CPSF2: variants seen among roughly 807,000 people sequenced by gnomAD.
CPSF2 encodes the protein cleavage and polyadenylation specificity factor subunit 2.
A neutral mutation model predicts 84.2 loss-of-function variants in CPSF2; 51 were observed. The observed-to-expected ratio is 0.61, with a 90% CI of 0.48 to 0.77. CPSF2 has a LOEUF of 0.77. CPSF2 is among the 30% of genes least tolerant of loss of function. The pLI, the probability that CPSF2 is intolerant of heterozygous loss-of-function variation, is 0.00. For synonymous variants in CPSF2, 286 were observed against 311.9 expected (o/e 0.92, Z 0.87); for missense variants, 641 against 929.4 (o/e 0.69, Z 4.03).
Position 92,143,039 on chromosome 14 carries a change from T to G in CPSF2, c.885T>G (p.Phe295Leu). 1.9e-6 allele frequency: 3 copies of G among 1,613,784 alleles called. No individual in the cohort carries two copies. Among genetic ancestry groups the G allele is most frequent in the Non-Finnish European group, 2.5e-6 (3 of 1,179,736 alleles). The change falls in exon 9 of 16, where the codon TTT becomes TTG. Residue 295 changes from phenylalanine to leucine, a missense_variant. This residue lies in a region of CPSF2 where 211 missense variants were observed against 375.7 expected (regional missense o/e 0.56). Coordinates refer to ENST00000298875, the MANE Select transcript of CPSF2 (RefSeq NM_017437.3). ...TGAGTGATAAATTGATGAGATGTTT[T>G]GAAGACAAAAGAAATAATCCGTTTC... ...EWMSDKLMRC[F>L]EDKRNNPFQF...
chr14:92,138,412 A>G lies in CPSF2; in HGVS notation c.661+65A>G. On this transcript the variant is annotated intron_variant, in intron 7 of 15. Coordinates refer to ENST00000298875, the MANE Select transcript of CPSF2 (RefSeq NM_017437.3). Reference sequence around the variant, plus strand: ...GTAACTTTTTGTATATTTAGGGAATATAAGTACATAAAAGTACAGGTTTCT... The same window carrying G: ...GTAACTTTTTGTATATTTAGGGAATGTAAGTACATAAAAGTACAGGTTTCT... The G allele has an allele frequency of 3.7e-6, 3 of 816,448 alleles. No individual in the cohort carries two copies. In the South Asian group the frequency reaches 7.2e-5, roughly 20 times the overall value. 50.6% of individuals were successfully genotyped at this position (816,448 alleles called of 1,614,324 possible). A position where few individuals can be genotyped will look rare whatever the true frequency, so the allele number is the denominator to read the frequency against.
At position 92,157,675 on chromosome 14, in the gene CPSF2, A is replaced by G; in HGVS notation, c.1612A>G (p.Ile538Val). 1.2e-6 allele frequency: 2 copies of G among 1,613,626 alleles called. No individual in the cohort carries two copies. Among genetic ancestry groups the G allele is most frequent in the South Asian group, 2.2e-5 (2 of 91,068 alleles). ...TAATTACAGAGCCCGGGTTACCTAC[A>G]TAGACTATGAAGGACGCTCTGATGG... is the stretch of plus-strand genomic sequence containing the variant. ...SIEIKARVTY[I>V]DYEGRSDGDS... is the part of the protein sequence containing the mutation. Residue 538 changes from isoleucine (I) to valine (V), a missense_variant, in exon 13 of 16, where the codon ATA becomes GTA. Around this residue, in one of 2 missense-constraint regions of CPSF2, gnomAD observed 430 missense variants for 553.6 expected, o/e 0.78. Transcript: ENST00000298875. This position sits in a 1 kb window ranked among gnomAD's most constrained non-coding sequence, Gnocchi z 4.0.
intron 10 of CPSF2, 76 bp from the exon 11 acceptor site, chr14:92,155,047 A>G (rs571389479): frequency 1.1e-6 from 1 of 924,830 alleles, no homozygotes; most frequent in African/African-American, 1.7e-5. Flanking sequence ...GTATGGATTC[A>G]GTAATAAATT....
intron 7 of CPSF2, among the ~76,000 whole-genome samples, chr14:92,139,685 T>C (rs1207666885): frequency 1.3e-5 from 2 of 151,146 alleles, no homozygotes; most frequent in African/African-American, 4.9e-5. Flanking sequence ...ATTACAGGCA[T>C]GCGCCACCAT....
chr14:92,125,440 T>G (rs1283580755), intron 1 of CPSF2, among the ~76,000 whole-genome samples: 1 of 152,150 alleles, frequency 6.6e-6, no homozygotes, highest in Non-Finnish European at 1.5e-5. Flanking sequence ...ATAGAATCAG[T>G]AACGTTAGGA....
At chr14:92,122,993 A>G (rs1241060719) in intron 1 of CPSF2, among the ~76,000 whole-genome samples, 2 of 151,062 alleles carry the variant, frequency 1.3e-5, no homozygotes, top group Non-Finnish European at 3.0e-5. Context: ...TTGCAACCCC[A>G]GTATGAAACT....
intron 11 of CPSF2, 136 bp from the exon 12 acceptor site, chr14:92,156,343 C>T (rs542482433): frequency 6.0e-6 from 4 of 669,582 alleles, no homozygotes; most frequent in African/African-American, 5.5e-5. Flanking sequence ...TATGAAATTG[C>T]ATCAGCTTTG....
rs879559928 is a variant in CPSF2 at position 92,165,445 on chromosome 14, T to G, written c.*3701T>G. The stretch of plus-strand genomic sequence containing the variant: ...CCTCATTCTTGACAACATTTATTAC[T>G]CCCTTTTTAAATTTTAGTCATCATA... On this transcript the variant is annotated 3_prime_UTR_variant, in exon 16 of 16. Coordinates refer to ENST00000298875, the MANE Select transcript of CPSF2 (RefSeq NM_017437.3). 6 of 152,162 alleles carry G rather than the reference T, an allele frequency of 3.9e-5. No individual in the cohort carries two copies. Among genetic ancestry groups the G allele is most frequent in the Non-Finnish European group, 7.3e-5 (5 of 68,028 alleles). 9.4% of individuals were successfully genotyped at this position (152,162 alleles called of 1,614,324 possible).
chr14:92,153,888 T>C (rs1233750648), intron 9 of CPSF2: 1 of 147,230 alleles, frequency 6.8e-6, no homozygotes, highest in African/African-American at 2.6e-5. Context: ...TTTTTTTTTA[T>C]GTGGAGACAA....
chr14:92,157,729 A>C lies in CPSF2; in HGVS notation c.1666A>C (p.Met556Leu). Residue 556 changes from methionine to leucine, a missense_variant, in exon 13 of 16, where the codon ATG becomes CTG. This residue lies in a region of CPSF2 where 430 missense variants were observed against 553.6 expected (regional missense o/e 0.78). Transcript: ENST00000298875. This position sits in a 1 kb window ranked among gnomAD's most constrained non-coding sequence, Gnocchi z 4.0. ...GDSIKKIINQ[M>L]KPRQLIIVHG... ...TTCCATTAAAAAAATCATTAATCAG[A>C]TGAAACCACGACAGTTGATCATCGT... 6.2e-7 allele frequency: 1 copy of C among 1,614,122 alleles called. No homozygotes were observed. The highest frequency in any genetic ancestry group is 8.5e-7 in the Non-Finnish European group (1 of 1,180,006).
Position 92,171,807 on chromosome 14 carries a change from C to A in CPSF2, c.*10063C>A, listed in dbSNP as rs902872140. 6.6e-6 allele frequency: 1 copy of A among 152,170 alleles called. No homozygotes were observed. Among genetic ancestry groups the A allele is most frequent in the Admixed American group, 6.5e-5 (1 of 15,270 alleles). 9.4% of individuals were successfully genotyped at this position (152,170 alleles called of 1,614,324 possible). A position where few individuals can be genotyped will look rare whatever the true frequency, so the allele number is the denominator to read the frequency against. ...TCCACAGAGTTTATTCTAGTCTTCT[C>A]CCTTTCCACAATTGTATCTTCTCCA... On this transcript the variant is annotated 3_prime_UTR_variant, in exon 16 of 16. Transcript: ENST00000298875.
intron 7 of CPSF2, among the ~76,000 whole-genome samples, chr14:92,139,529 A>T: frequency 6.8e-6 from 1 of 147,968 alleles, no homozygotes; most frequent in Non-Finnish European, 1.5e-5. Context: ...TGCTTGCTTC[A>T]TCTTACATTC....
At chr14:92,161,342 C>T (rs1416995149) in intron 15 of CPSF2, 96 bp downstream of exon 15, 1 of 1,382,176 alleles carries the variant, frequency 7.2e-7, no homozygotes, top group African/African-American at 1.5e-5. Context: ...TTTCACAAAA[C>T]TGAAGATCAG....
chr14:92,159,293 C>T lies in CPSF2; in HGVS notation c.2121+11C>T. On this transcript the variant is annotated intron_variant, in intron 14 of 15. Coordinates refer to ENST00000298875, the MANE Select transcript of CPSF2 (RefSeq NM_017437.3). ...TTGCCACCTCATGAGGTAAAAAAAG[C>T]ATGTGCTTTTTTGATTTCTTCCTGA... The T allele has an allele frequency of 6.4e-7, 1 of 1,557,582 alleles. No homozygotes were observed. Among genetic ancestry groups the T allele is most frequent in the Non-Finnish European group, 8.7e-7 (1 of 1,153,256 alleles).
rs201962004 is a variant in CPSF2, at chr14:92,131,850, AG to A, written c.149+718del. ...AAGACTCTGTTTCAAAAAAAAAATA[AG>A]ATAAAATAAAAAGTCAATGATGTTT... On this transcript the variant is annotated intron_variant, in intron 3 of 15. Transcript: ENST00000298875. Among the ~76,000 whole-genome samples, 296 of 149,102 alleles carry A rather than the reference AG, an allele frequency of 2.0e-3. 2 individuals are homozygous for A. Among genetic ancestry groups the A allele is most frequent in the Non-Finnish European group, 3.2e-3 (212 of 66,952 alleles).
chr14:92,149,563 G>A (rs1356787790), intron 9 of CPSF2, among the ~76,000 whole-genome samples: 3 of 152,130 alleles, frequency 2.0e-5, no homozygotes, highest in African/African-American at 4.8e-5. Flanking sequence ...ACCAGTCTGG[G>A]CAGCATAGCG....
At position 92,155,584 on chromosome 14, in the gene CPSF2, G is replaced by A. The variant is rs59131660; in HGVS notation, c.1442+261G>A. On this transcript the variant is annotated intron_variant, in intron 11 of 15. Coordinates refer to ENST00000298875, the MANE Select transcript of CPSF2 (RefSeq NM_017437.3). The stretch of plus-strand genomic sequence containing the variant: ...TGTAAAGGTTTAAAAACATGATCAC[G>A]TGATCAAGACTTTTTTCCCCCACTT... Among the ~76,000 whole-genome samples, 797 of 152,242 alleles carry A rather than the reference G, an allele frequency of 5.2e-3. 4 individuals are homozygous for A. Among genetic ancestry groups the A allele is most frequent in the African/African-American group, 0.018 (758 of 41,556 alleles).
intron 2 of CPSF2, 31 bp downstream of exon 2, chr14:92,126,211 C>T (rs1333359145): frequency 6.6e-6 from 1 of 152,146 alleles, no homozygotes; most frequent in Non-Finnish European, 1.5e-5. Context: ...AAAGATATAG[C>T]TTTATTATGA....
At position 92,166,369 on chromosome 14, in the gene CPSF2, C is replaced by T. The variant is rs541624755; in HGVS notation, c.*4625C>T. 2 of 151,856 alleles carry T rather than the reference C, an allele frequency of 1.3e-5. No homozygotes were observed. Among genetic ancestry groups the T allele is most frequent in the South Asian group, 4.2e-4 (2 of 4,810 alleles). The allele number at this position is 151,856 out of a possible 1,614,324, so 9.4% of individuals were successfully genotyped here. On this transcript the variant is annotated 3_prime_UTR_variant, in exon 16 of 16. Coordinates refer to ENST00000298875, the MANE Select transcript of CPSF2 (RefSeq NM_017437.3). ...CATTATTATTATTTTCTTTTTGAGG[C>T]AGGGTCTCACTCTGTCACGCAGGCT... is the stretch of plus-strand genomic sequence containing the variant.
Sources: allele counts gnomAD v4.1 joint callset (sites outside exome capture counted in the v4.1 genomes callset), GRCh38; gene constraint gnomAD v4.1.1; regional missense constraint gnomAD v4.1.1; non-coding constraint Gnocchi (gnomAD v3.1); transcripts MANE v1.5; gene names NCBI Gene and HGNC (gene_info 2026-07-23, HGNC 2026-07-21).